The following CCSER1 variants were observed in gnomAD, a reference collection of about 807,000 sequenced individuals.
CCSER1 encodes the protein coiled-coil serine rich protein 1.
In CCSER1, 41 loss-of-function variants were observed where a neutral mutation model predicts 82.0. That is an observed-to-expected ratio of 0.50 (90% CI 0.39 to 0.65). The LOEUF (loss-of-function observed/expected upper bound fraction) is 0.65. Among genes scored for constraint, CCSER1 ranks in the 30% least tolerant of loss-of-function variants. CCSER1 has a pLI of 0.00. For synonymous variants in CCSER1, 414 were observed against 383.9 expected, an observed-to-expected ratio of 1.08 and a Z score of -0.92; for missense variants, 1,119 against 1,064.2, an observed-to-expected ratio of 1.05 and a Z score of -0.72.
chr4:90,611,059 C>CTTTTCTTTTTTTTTTTTTTTTTT (rs1303751301), intron 5 of CCSER1, among the ~76,000 whole-genome samples: 12 of 93,824 alleles, frequency 1.3e-4, no homozygotes, highest in African/African-American at 5.6e-4. Context: ...CTTTTCTTTT[C>CTTTTCTTTTTTTTTTTTTTTTTT]TTTTTTTTTT....
intron 9 of CCSER1, among the ~76,000 whole-genome samples, chr4:91,017,811 TTGTGTGTGTGTGTGTG>T (rs34719158): frequency 1.8e-4 from 26 of 143,910 alleles, no homozygotes; most frequent in African/African-American, 5.5e-4. Flanking sequence ...GGTTTTTAAA[TTGTGTGTGTGTGTGTG>T]TGTGTGTGTG....
At chr4:90,233,248 A>T (rs1199954576) in intron 1 of CCSER1, among the ~76,000 whole-genome samples, 13 of 152,134 alleles carry the variant, frequency 8.5e-5, no homozygotes, top group Admixed American at 7.9e-4. Flanking sequence ...GATAGACTGG[A>T]TTAAGAAAAT....
At chr4:91,074,627 A>G (rs1002584677) in intron 9 of CCSER1, among the ~76,000 whole-genome samples, 2 of 152,222 alleles carry the variant, frequency 1.3e-5, no homozygotes, top group African/African-American at 4.8e-5. Flanking sequence ...CCCCGTGGCC[A>G]GAGTTCAAGT....
chr4:91,235,039 CTTA>C (rs954282257), intron 10 of CCSER1, among the ~76,000 whole-genome samples: 1 of 151,672 alleles, frequency 6.6e-6, no homozygotes, highest in Non-Finnish European at 1.5e-5. Context: ...CTAGTTGTGC[CTTA>C]TTAATGTGCA....
intron 7 of CCSER1, among the ~76,000 whole-genome samples, chr4:90,743,286 G>C (rs1228454393): frequency 1.4e-5 from 2 of 140,278 alleles, no homozygotes; most frequent in Non-Finnish European, 3.1e-5. Flanking sequence ...ACAATTGCCA[G>C]ATGAAAGGAT....
At chr4:90,200,732 A>G (rs1022706247) in intron 1 of CCSER1, among the ~76,000 whole-genome samples, 3 of 151,906 alleles carry the variant, frequency 2.0e-5, no homozygotes, top group Non-Finnish European at 4.4e-5. Context: ...TACTATATAC[A>G]TAATAATATA....
chr4:91,404,781 C>A (rs1752582238), intron 10 of CCSER1, among the ~76,000 whole-genome samples: 1 of 152,126 alleles, frequency 6.6e-6, no homozygotes, highest in Non-Finnish European at 1.5e-5. Flanking sequence ...AATTTCTGTT[C>A]TTTTACATTT....
At chr4:91,250,387 C>T (rs1740161284) in intron 10 of CCSER1, among the ~76,000 whole-genome samples, 1 of 151,784 alleles carries the variant, frequency 6.6e-6, no homozygotes, top group Non-Finnish European at 1.5e-5. Context: ...CTTAGCAGAG[C>T]TAAAAAAGAA....
intron 10 of CCSER1, among the ~76,000 whole-genome samples, chr4:91,369,833 C>T (rs1041391623): frequency 1.6e-5 from 2 of 122,686 alleles, no homozygotes; most frequent in African/African-American, 5.7e-5. Flanking sequence ...CCACGCCTAG[C>T]TAATTTTTTT....
intron 5 of CCSER1, among the ~76,000 whole-genome samples, chr4:90,560,996 G>A (rs1043658590): frequency 6.6e-5 from 10 of 152,072 alleles, no homozygotes; most frequent in East Asian, 3.8e-4. Flanking sequence ...ATCATAATAC[G>A]TTAATTGAGT....
rs1561384339 is a variant in CCSER1 at position 90,932,947 on chromosome 4, AAAGAAAGAAAGAAAGAAAGAAAG to A, written c.2172+9503_2172+9525del. Among the ~76,000 whole-genome samples, 28 of 41,040 alleles carry A rather than the reference AAAGAAAGAAAGAAAGAAAGAAAG, an allele frequency of 6.8e-4. 7 individuals carry two copies. The highest frequency in any genetic ancestry group is 4.8e-3 in the African/African-American group (27 of 5,632). 26.9% of individuals were successfully genotyped at this position (41,040 alleles called of 152,430 possible). ...GAAAGAAAGAAAGAAAGAAAGAAAG[AAAGAAAGAAAGAAAGAAAGAAAG>A]AAAGAAAGAAAGAGAAAGAAAGAAA... On this transcript the variant is annotated intron_variant, in intron 9 of 10. Coordinates refer to ENST00000509176, the MANE Select transcript of CCSER1 (RefSeq NM_001145065.2).
At chr4:90,907,110 A>C (rs1368409179) in intron 8 of CCSER1, among the ~76,000 whole-genome samples, 1 of 152,124 alleles carries the variant, frequency 6.6e-6, no homozygotes, top group Non-Finnish European at 1.5e-5. Flanking sequence ...TGCTGACATA[A>C]AGGGAAAATT....
chr4:91,106,084 G>A (rs1310438600), intron 10 of CCSER1, among the ~76,000 whole-genome samples: 1 of 152,156 alleles, frequency 6.6e-6, no homozygotes, highest in African/African-American at 2.4e-5. Flanking sequence ...TTGTAGGACT[G>A]TGGCAAGATA....
intron 8 of CCSER1, among the ~76,000 whole-genome samples, chr4:90,853,249 A>C (rs922394416): frequency 3.3e-5 from 5 of 152,198 alleles, no homozygotes; most frequent in Admixed American, 2.0e-4. Context: ...TAGTATGGGC[A>C]ATTTTCTTCT....
At chr4:90,651,765 T>G (rs1160736842) in intron 6 of CCSER1, among the ~76,000 whole-genome samples, 2 of 152,124 alleles carry the variant, frequency 1.3e-5, no homozygotes, top group African/African-American at 4.8e-5. Context: ...AGAGCAAATT[T>G]GAAAGCTAAT....
intron 10 of CCSER1, among the ~76,000 whole-genome samples, chr4:91,520,563 A>G (rs1009159301): frequency 7.9e-5 from 12 of 152,180 alleles, no homozygotes; most frequent in African/African-American, 2.7e-4. Flanking sequence ...TTTTAAGCAA[A>G]AACACATTTT....
intron 5 of CCSER1, among the ~76,000 whole-genome samples, chr4:90,583,252 C>T (rs947135858): frequency 7.9e-5 from 12 of 152,102 alleles, no homozygotes; most frequent in Non-Finnish European, 1.0e-4. Flanking sequence ...CTGCAAACTC[C>T]GCCTCCCTGG....
At chr4:90,777,775 C>A (rs982394519) in intron 7 of CCSER1, among the ~76,000 whole-genome samples, 1 of 151,924 alleles carries the variant, frequency 6.6e-6, no homozygotes, top group Non-Finnish European at 1.5e-5. Flanking sequence ...AATATAACAT[C>A]ATATTGAAAT....
intron 6 of CCSER1, among the ~76,000 whole-genome samples, chr4:90,702,486 G>T (rs186688087): frequency 2.6e-4 from 39 of 152,194 alleles, no homozygotes; most frequent in African/African-American, 8.7e-4. Flanking sequence ...GCTGGCCTCA[G>T]AAAATGAGTT....
Sources: allele counts gnomAD v4.1 joint callset (sites outside exome capture counted in the v4.1 genomes callset), GRCh38; gene constraint gnomAD v4.1.1; transcripts MANE v1.5; gene names NCBI Gene and HGNC (gene_info 2026-07-23, HGNC 2026-07-21).